Variants in SAMD8 observed in about 807,000 individuals in gnomAD.
SAMD8 encodes sphingomyelin synthase-related protein 1.
A neutral mutation model predicts 42.0 loss-of-function variants in SAMD8; 20 were observed. That is an observed-to-expected ratio of 0.48 (90% CI 0.34 to 0.69). The LOEUF is 0.69. SAMD8 is among the 30% of genes least tolerant of loss of function. SAMD8 has a pLI of 0.01. For synonymous variants in SAMD8, 162 were observed against 173.0 expected, an observed-to-expected ratio of 0.94 and a Z score of 0.50; for missense variants, 328 against 511.6, an observed-to-expected ratio of 0.64 and a Z score of 3.46.
intron 4 of SAMD8, among the ~76,000 whole-genome samples, chr10:75,169,559 G>A (rs1840796486): frequency 6.6e-6 from 1 of 151,858 alleles, no homozygotes; most frequent in Non-Finnish European, 1.5e-5. Flanking sequence ...ACCATCCTTA[G>A]CATTTTAAAA....
intron 2 of SAMD8, among the ~76,000 whole-genome samples, chr10:75,163,214 C>T (rs550183368): frequency 2.9e-4 from 44 of 152,290 alleles, no homozygotes; most frequent in African/African-American, 1.0e-3. Context: ...CGTGAGCCAC[C>T]GTGCCCAGCC....
intron 1 of SAMD8, among the ~76,000 whole-genome samples, chr10:75,142,687 G>T (rs1345459783): frequency 6.7e-6 from 1 of 150,084 alleles, no homozygotes; most frequent in East Asian, 2.0e-4. Flanking sequence ...CGCCCGCCTC[G>T]GCCTCCCAAA....
upstream of SAMD8, chr10:75,111,641 G>A (rs961984279): frequency 1.2e-5 from 15 of 1,245,082 alleles, no homozygotes; most frequent in Middle Eastern, 3.1e-4. Flanking sequence ...ACTCCGGCGA[G>A]GCGGGGAGGG....
At chr10:75,163,414 A>C (rs920308487) in intron 2 of SAMD8, among the ~76,000 whole-genome samples, 4 of 149,278 alleles carry the variant, frequency 2.7e-5, no homozygotes, top group South Asian at 2.1e-4. Flanking sequence ...CTTCCTCCCT[A>C]CCTTCCTTCT....
At chr10:75,135,614 A>G (rs1301759903) in intron 1 of SAMD8, among the ~76,000 whole-genome samples, 1 of 152,028 alleles carries the variant, frequency 6.6e-6, no homozygotes, top group Non-Finnish European at 1.5e-5. Flanking sequence ...TCACGAGGTC[A>G]GGAGATCGAG....
At chr10:75,143,023 C>A (rs1486458707) in intron 1 of SAMD8, among the ~76,000 whole-genome samples, 1 of 151,124 alleles carries the variant, frequency 6.6e-6, no homozygotes, top group African/African-American at 2.4e-5. Context: ...AAAGCTGGTA[C>A]TGCGGCTGGG....
intron 1 of SAMD8, among the ~76,000 whole-genome samples, chr10:75,141,373 G>A (rs1391223844): frequency 2.0e-5 from 3 of 151,034 alleles, no homozygotes; most frequent in African/African-American, 4.9e-5. Context: ...AAAAAAGAAA[G>A]GAAGACAATT....
At chr10:75,137,308 G>A in intron 1 of SAMD8, among the ~76,000 whole-genome samples, 1 of 152,208 alleles carries the variant, frequency 6.6e-6, no homozygotes, top group Non-Finnish European at 1.5e-5. Flanking sequence ...GGGAGGCCGA[G>A]GTGGGTGGAT....
chr10:75,141,253 C>A (rs1840006237), intron 1 of SAMD8, among the ~76,000 whole-genome samples: 1 of 151,402 alleles, frequency 6.6e-6, no homozygotes, highest in African/African-American at 2.4e-5. Flanking sequence ...ACTTGGAAGG[C>A]TGAAGTGGGA....
intron 1 of SAMD8, among the ~76,000 whole-genome samples, chr10:75,143,991 G>GC (rs955450100): frequency 7.4e-6 from 1 of 135,420 alleles, no homozygotes; most frequent in African/African-American, 2.8e-5. Flanking sequence ...TTTTGGAGTT[G>GC]GAGTCTTGCT....
intron 2 of SAMD8, among the ~76,000 whole-genome samples, chr10:75,156,471 T>G (rs142046318): frequency 1.5e-3 from 235 of 152,250 alleles, no homozygotes; most frequent in African/African-American, 5.4e-3. Context: ...AAGTTTCATC[T>G]CACCTATTAC....
chr10:75,170,718 G>A (rs1840832433), intron 4 of SAMD8, among the ~76,000 whole-genome samples: 1 of 149,680 alleles, frequency 6.7e-6, no homozygotes, highest in Non-Finnish European at 1.5e-5. Flanking sequence ...TGTGTGTATA[G>A]CCACACAGAC....
In SAMD8 at chr10:75,179,808, C is replaced by G. The variant is rs1372637672; in HGVS notation, c.*3116C>G. 6.6e-6 allele frequency: 1 copy of G among 152,142 alleles called. No homozygotes were observed. Among genetic ancestry groups the G allele is most frequent in the African/African-American group, 2.4e-5 (1 of 41,436 alleles). 9.4% of individuals were successfully genotyped at this position (152,142 alleles called of 1,614,324 possible). A position where few individuals can be genotyped will look rare whatever the true frequency, so the allele number is the denominator to read the frequency against. ...CATTTTATCTGTGAATGTGGCTAAG[C>G]AGAGAAGCTACATGGCTTTGGTCTA... is the stretch of plus-strand genomic sequence containing the variant. On this transcript the variant is annotated 3_prime_UTR_variant, in exon 6 of 6. Transcript: ENST00000542569.
intron 1 of SAMD8, among the ~76,000 whole-genome samples, chr10:75,118,850 T>C (rs1029322907): frequency 6.6e-6 from 1 of 152,182 alleles, no homozygotes; most frequent in South Asian, 2.1e-4. Flanking sequence ...TCCTACATCA[T>C]AGTTTAGGCT....
At chr10:75,121,198 G>C (rs1311958527) in intron 1 of SAMD8, among the ~76,000 whole-genome samples, 1 of 152,142 alleles carries the variant, frequency 6.6e-6, no homozygotes, top group Non-Finnish European at 1.5e-5. Context: ...TCATTTTACA[G>C]ATAAAGACAG....
At chr10:75,111,955 G>A (rs1002228958) in intron 1 of SAMD8, among the ~76,000 whole-genome samples, 26 of 152,230 alleles carry the variant, frequency 1.7e-4, no homozygotes, top group African/African-American at 5.1e-4. Flanking sequence ...CGAGGAACGA[G>A]AGGGAGAGAG....
chr10:75,165,577 A>G (rs1396258589), intron 3 of SAMD8, among the ~76,000 whole-genome samples: 1 of 151,862 alleles, frequency 6.6e-6, no homozygotes, highest in East Asian at 1.9e-4. Context: ...AGGCTGAGGC[A>G]GGAGAATGGC....
chr10:75,120,036 C>G (rs987565087), intron 1 of SAMD8, among the ~76,000 whole-genome samples: 3 of 152,106 alleles, frequency 2.0e-5, no homozygotes, highest in African/African-American at 7.2e-5. Context: ...CCACTGCACT[C>G]CAGCCTGGGC....
At chr10:75,121,057 G>A (rs1180393099) in intron 1 of SAMD8, among the ~76,000 whole-genome samples, 2 of 152,080 alleles carry the variant, frequency 1.3e-5, no homozygotes, top group Non-Finnish European at 1.5e-5. Flanking sequence ...GATTATAGGC[G>A]GGAGCCACCA....
Sources: allele counts gnomAD v4.1 joint callset (sites outside exome capture counted in the v4.1 genomes callset), GRCh38; gene constraint gnomAD v4.1.1; transcripts MANE v1.5; gene names NCBI Gene and HGNC (gene_info 2026-07-23, HGNC 2026-07-21).